Variants in PAK4 observed in about 807,000 individuals in gnomAD.
PAK4 encodes the protein p21 (RAC1) activated kinase 4.
Under a neutral mutation model 53.5 loss-of-function variants are expected in PAK4, and 49 were observed. That is an observed-to-expected ratio of 0.92 (90% confidence interval 0.73 to 1.16). The LOEUF (loss-of-function observed/expected upper bound fraction) is 1.16, where lower values mean the gene tolerates loss of function less well. Among genes scored for constraint, PAK4 ranks in the 50% most tolerant of loss-of-function variants. PAK4 has a pLI of 0.00. For synonymous variants in PAK4, 376 were observed against 375.6 expected, an observed-to-expected ratio of 1.00 and a Z score of -0.01; for missense variants, 824 against 850.7, an observed-to-expected ratio of 0.97 and a Z score of 0.39.
intron 1 of PAK4, among the ~76,000 whole-genome samples, chr19:39,143,206 C>T (rs201510788): frequency 6.6e-6 from 1 of 151,484 alleles, no homozygotes; most frequent in Non-Finnish European, 1.5e-5. Context: ...GTCTTATTCA[C>T]TGCTGTGTCC....
intron 6 of PAK4, 166 bp from the exon 8 acceptor site, chr19:39,176,424 G>C: frequency 1.2e-6 from 1 of 834,758 alleles, no homozygotes; most frequent in Non-Finnish European, 1.9e-6. Context: ...AGGTGGTGGA[G>C]CTCCCCATTG....
At chr19:39,143,753 A>G (rs905123857) in intron 1 of PAK4, among the ~76,000 whole-genome samples, 3 of 151,182 alleles carry the variant, frequency 2.0e-5, no homozygotes, top group African/African-American at 7.3e-5. Flanking sequence ...CCTGGGCTAT[A>G]GTGAGACCTC....
intron 1 of PAK4, among the ~76,000 whole-genome samples, chr19:39,159,056 A>G (rs575113383): frequency 5.9e-5 from 9 of 152,286 alleles, no homozygotes; most frequent in South Asian, 2.1e-4. Context: ...CGCTCGTCCA[A>G]CATGCTCAGG....
At chr19:39,146,444 A>G (rs2074000442) in intron 1 of PAK4, among the ~76,000 whole-genome samples, 2 of 152,252 alleles carry the variant, frequency 1.3e-5, no homozygotes, top group South Asian at 4.1e-4. Context: ...TTCAAAGGCT[A>G]AAAGTTGGGA....
intron 1 of PAK4, among the ~76,000 whole-genome samples, chr19:39,165,734 C>A (rs1421877540): frequency 2.6e-5 from 4 of 152,122 alleles, no homozygotes; most frequent in African/African-American, 9.7e-5. Context: ...AGGGCCTTCC[C>A]TTCTCTGGGC....
intron 1 of PAK4, among the ~76,000 whole-genome samples, chr19:39,150,335 G>A (rs560757220): frequency 5.9e-5 from 9 of 152,224 alleles, no homozygotes; most frequent in African/African-American, 1.2e-4. Flanking sequence ...CTAGGGTTCC[G>A]CGTGTAGAAG....
At chr19:39,141,810 A>G (rs1228310906) in intron 1 of PAK4, among the ~76,000 whole-genome samples, 1 of 151,780 alleles carries the variant, frequency 6.6e-6, no homozygotes, top group East Asian at 1.9e-4. Flanking sequence ...TAAGTTTTGT[A>G]TTTTTTAGTA....
At chr19:39,131,929 CAT>C (rs1393060699) in intron 1 of PAK4, among the ~76,000 whole-genome samples, 1 of 152,200 alleles carries the variant, frequency 6.6e-6, no homozygotes, top group East Asian at 1.9e-4. Flanking sequence ...GGCGGAAGAT[CAT>C]GTGTGTGCGT....
chr19:39,161,457 G>A lies in PAK4; in HGVS notation c.-22-8075G>A, dbSNP rs2074282620. Among the ~76,000 whole-genome samples, 3 of 152,142 alleles carry A rather than the reference G, an allele frequency of 2.0e-5. No individual in the cohort carries two copies. In the South Asian group the frequency reaches 6.2e-4, roughly 31 times the overall value. On this transcript the variant is annotated intron_variant, in intron 1 of 8. Transcript: ENST00000358301. The surrounding 1 kb of genome is among the most constrained non-coding windows in gnomAD (Gnocchi z 4.5). ...CAGTCCTGCCACCTCCACCTTTACA[G>A]TGTGCCCAGAACCTGCTCATGCCGC...
At chr19:39,165,491 G>A (rs1196141351) in intron 1 of PAK4, among the ~76,000 whole-genome samples, 5 of 147,044 alleles carry the variant, frequency 3.4e-5, no homozygotes, top group Non-Finnish European at 1.5e-5. Context: ...CTCCAGCCTG[G>A]GCGACAGAGC....
chr19:39,178,569 G>T lies in PAK4; in HGVS notation c.1766G>T (p.Arg589Leu). 1 of 1,596,806 alleles carries T rather than the reference G, an allele frequency of 6.3e-7. No individual in the cohort carries two copies. Among genetic ancestry groups the T allele is most frequent in the Non-Finnish European group, 8.5e-7 (1 of 1,170,142 alleles). The change falls in exon 9 of 9, where the codon CGC becomes CTC. Residue 589 changes from arginine (R) to leucine (L), a missense_variant. Transcript: ENST00000358301. The surrounding 1 kb of genome is among the most constrained non-coding windows in gnomAD (Gnocchi z 4.4). ...ATCGTGCCCCTCATGCGCCAGAACC[G>T]CACCAGATGAGGCCCAGCGCCCTTC...
rs746796653 is a variant in PAK4 at position 39,169,763 on chromosome 19, T to A, written c.204+6T>A. The A allele has an allele frequency of 1.3e-6, 2 of 1,587,398 alleles. No homozygotes were observed. The highest frequency in any genetic ancestry group is 1.7e-6 in the Non-Finnish European group (2 of 1,165,964). ...TCCAGCCCGGGGCCCCCAAGGTATG[T>A]GGCACCCACCACCACCTCCCCCAGC... On this transcript the variant is annotated splice_donor_region_variant and intron_variant, in intron 2 of 8. Transcript: ENST00000358301.
At chr19:39,150,485 C>T (rs1184150052) in intron 1 of PAK4, among the ~76,000 whole-genome samples, 1 of 152,130 alleles carries the variant, frequency 6.6e-6, no homozygotes, top group Non-Finnish European at 1.5e-5. Flanking sequence ...TGCCACTGTC[C>T]TGGCTGCCTC....
intron 1 of PAK4, among the ~76,000 whole-genome samples, chr19:39,155,757 C>T (rs957442507): frequency 2.0e-5 from 3 of 152,144 alleles, no homozygotes; most frequent in African/African-American, 7.2e-5. Flanking sequence ...GGAGTCCCAG[C>T]GCCTGACCTC....
At position 39,173,590 on chromosome 19, in the gene PAK4, C is replaced by T. The variant is rs753120041; in HGVS notation, c.678C>T (p.Asp226=). The change falls in exon 4 of 9, where the codon GAC becomes GAT. Residue 226 remains aspartate, a synonymous_variant. Coordinates refer to ENST00000358301, the Ensembl canonical transcript of PAK4. The surrounding 1 kb of genome is among the most constrained non-coding windows in gnomAD (Gnocchi z 6.9). The stretch of plus-strand genomic sequence containing the variant: ...TTCTGTTTCAGGGGGAGCCTCATGA[C>T]GTGGCCCCTAACGGGCCATCAGCGG... 23 of 1,524,420 alleles carry T rather than the reference C, an allele frequency of 1.5e-5. No individual in the cohort carries two copies. Among genetic ancestry groups the T allele is most frequent in the East Asian group, 2.3e-5 (1 of 44,092 alleles). 94.4% of individuals were successfully genotyped at this position (1,524,420 alleles called of 1,614,324 possible).
chr19:39,169,199 G>C (rs1198445783), intron 1 of PAK4, among the ~76,000 whole-genome samples: 2 of 151,838 alleles, frequency 1.3e-5, no homozygotes, highest in African/African-American at 2.4e-5. Flanking sequence ...ACACTGGGAA[G>C]TGAGCTCCTG....
chr19:39,177,477 G>T (rs1239540062), intron 7 of PAK4, among the ~76,000 whole-genome samples, 198 bp from the exon 9 acceptor site: 3 of 152,144 alleles, frequency 2.0e-5, no homozygotes, highest in Non-Finnish European at 4.4e-5. Context: ...GTGGGTGCTG[G>T]GGGGGCAGCT....
chr19:39,168,842 TGTGGGC>T (rs925501511), intron 1 of PAK4: 3 of 151,858 alleles, frequency 2.0e-5, no homozygotes, highest in African/African-American at 7.3e-5. Flanking sequence ...TATCCAAAGG[TGTGGGC>T]GTCCCCAGCC....
intron 1 of PAK4, among the ~76,000 whole-genome samples, chr19:39,128,139 A>G (rs1415075487): frequency 6.6e-6 from 1 of 152,084 alleles, no homozygotes; most frequent in Admixed American, 6.5e-5. Context: ...GCATGTGAGG[A>G]CCTCCGTTTC....
Sources: allele counts gnomAD v4.1 joint callset (sites outside exome capture counted in the v4.1 genomes callset), GRCh38; gene constraint gnomAD v4.1.1; non-coding constraint Gnocchi (gnomAD v3.1); transcripts MANE v1.5; gene names NCBI Gene and HGNC (gene_info 2026-07-23, HGNC 2026-07-21).